RUNX2: variants seen among roughly 807,000 people sequenced by gnomAD.
RUNX2 encodes the protein RUNX family transcription factor 2, also known as runt-related transcription factor 2.
In RUNX2, 10 loss-of-function variants were observed where a neutral mutation model predicts 51.7. That is an observed-to-expected ratio of 0.19 (90% CI 0.12 to 0.33). The LOEUF is 0.33. Ranked by LOEUF, RUNX2 falls within the 10% of genes least tolerant of loss-of-function variation. RUNX2 has a pLI of 1.00. For synonymous variants in RUNX2, 276 were observed against 273.6 expected (o/e 1.01, Z -0.09); for missense variants, 562 against 691.3 (o/e 0.81, Z 2.10).
At chr6:45,517,333 C>T (rs1801362652) in intron 7 of RUNX2, among the ~76,000 whole-genome samples, 1 of 152,106 alleles carries the variant, frequency 6.6e-6, no homozygotes, top group African/African-American at 2.4e-5. Context: ...AGGCCTGCAC[C>T]ACCTTGCCAG....
chr6:45,383,874 G>A (rs943444584), intron 2 of RUNX2, among the ~76,000 whole-genome samples: 1 of 152,212 alleles, frequency 6.6e-6, no homozygotes, highest in Admixed American at 6.5e-5. Context: ...GAAGGTGGAT[G>A]CAACAAACCT....
chr6:45,481,201 C>T (rs1402642716), intron 5 of RUNX2, among the ~76,000 whole-genome samples: 2 of 152,162 alleles, frequency 1.3e-5, no homozygotes, highest in East Asian at 1.9e-4. Flanking sequence ...GGAAATTGAG[C>T]CAGGATCCAG....
intron 5 of RUNX2, among the ~76,000 whole-genome samples, chr6:45,467,982 C>T (rs943368784): frequency 3.9e-5 from 6 of 152,200 alleles, no homozygotes; most frequent in African/African-American, 1.4e-4. Flanking sequence ...CAGTTTTCCT[C>T]GATCTCAGCT....
chr6:45,426,551 C>T (rs1046315113), intron 3 of RUNX2, among the ~76,000 whole-genome samples: 1 of 152,188 alleles, frequency 6.6e-6, no homozygotes, highest in Non-Finnish European at 1.5e-5. Flanking sequence ...CAAGCTGAAA[C>T]ACTATGCAGA....
At chr6:45,394,296 C>T (rs748517360) in intron 2 of RUNX2, among the ~76,000 whole-genome samples, 7 of 152,092 alleles carry the variant, frequency 4.6e-5, no homozygotes, top group South Asian at 2.1e-4. Context: ...ATGAGGGATC[C>T]GCCCCCATGA....
chr6:45,394,392 A>G (rs953725575), intron 2 of RUNX2, among the ~76,000 whole-genome samples: 3 of 152,166 alleles, frequency 2.0e-5, no homozygotes, highest in South Asian at 2.1e-4. Context: ...CATCCAAGCC[A>G]TATCAAATGT....
At chr6:45,339,875 G>A (rs910599595) in intron 2 of RUNX2, among the ~76,000 whole-genome samples, 7 of 151,932 alleles carry the variant, frequency 4.6e-5, no homozygotes, top group African/African-American at 1.4e-4. Flanking sequence ...TTTCATTGTC[G>A]AGCGTTTACT....
chr6:45,418,979 A>G (rs1445607998), intron 2 of RUNX2, among the ~76,000 whole-genome samples: 1 of 152,218 alleles, frequency 6.6e-6, no homozygotes, highest in Non-Finnish European at 1.5e-5. Context: ...AAATAATCTC[A>G]CTATTGATTA....
Position 45,547,008 on chromosome 6 carries a change from A to G in RUNX2, c.1269A>G (p.Pro423=), listed in dbSNP as rs971629494. 3 of 1,613,688 alleles carry G rather than the reference A, an allele frequency of 1.9e-6. No individual in the cohort carries two copies. The African/African-American group carries it at 4.0e-5, about 22-fold the overall frequency. ...SATTHYHTYL[P]PPYPGSSQSQ... ...CCACTCACTACCACACCTACCTGCCACCACCCTACCCCGGCTCTTCCCAAA... is the reference window on the plus strand; with the variant it reads ...CCACTCACTACCACACCTACCTGCCGCCACCCTACCCCGGCTCTTCCCAAA... Residue 423 remains proline, a synonymous_variant, in exon 9 of 9, where the codon CCA becomes CCG. Transcript: ENST00000647337.
Position 45,449,783 on chromosome 6 carries a change from G to A in RUNX2, c.685+11732G>A, listed in dbSNP as rs543677605. 2.4e-4 allele frequency among the ~76,000 whole-genome samples: 37 copies of A among 152,198 alleles called. No individual in the cohort carries two copies. The South Asian group carries it at 7.5e-3, about 31-fold the overall frequency. ...CTGAAAACACTGAATTTTGTGAGAT[G>A]AAAATAATACATTGTATAACTTAAC... On this transcript the variant is annotated intron_variant, in intron 5 of 8. Coordinates refer to ENST00000647337, the MANE Select transcript of RUNX2 (RefSeq NM_001024630.4).
intron 7 of RUNX2, among the ~76,000 whole-genome samples, chr6:45,526,490 C>A (rs1801678062): frequency 6.6e-6 from 1 of 152,080 alleles, no homozygotes; most frequent in Non-Finnish European, 1.5e-5. Context: ...CAGGACCAGG[C>A]TTTCTATATT....
chr6:45,532,473 C>T (rs1010349041), intron 7 of RUNX2, among the ~76,000 whole-genome samples: 3 of 151,908 alleles, frequency 2.0e-5, no homozygotes, highest in Non-Finnish European at 4.4e-5. Flanking sequence ...GCACTGTGGC[C>T]AGAACCCACA....
intron 2 of RUNX2, among the ~76,000 whole-genome samples, chr6:45,411,484 G>A (rs1797950334): frequency 6.6e-6 from 1 of 152,086 alleles, no homozygotes; most frequent in African/African-American, 2.4e-5. Context: ...GGTTGAGTTT[G>A]TAAATGCTAG....
At chr6:45,484,825 T>C (rs935189544) in intron 5 of RUNX2, among the ~76,000 whole-genome samples, 12 of 152,248 alleles carry the variant, frequency 7.9e-5, no homozygotes, top group Admixed American at 7.2e-4. Context: ...ACTTTTAGGA[T>C]AGATTAGAAG....
intron 2 of RUNX2, among the ~76,000 whole-genome samples, chr6:45,329,558 T>C (rs555442948): frequency 1.3e-5 from 2 of 152,054 alleles, no homozygotes; most frequent in East Asian, 3.9e-4. Flanking sequence ...ATAAACACAC[T>C]GAAACACTGA....
At chr6:45,449,369 A>C (rs1799092341) in intron 5 of RUNX2, among the ~76,000 whole-genome samples, 1 of 152,202 alleles carries the variant, frequency 6.6e-6, no homozygotes, top group Non-Finnish European at 1.5e-5. Context: ...GGAGTTCCAA[A>C]TGCTTAGACA....
intron 2 of RUNX2, among the ~76,000 whole-genome samples, chr6:45,356,067 C>T (rs75689847): frequency 6.6e-5 from 10 of 152,192 alleles, no homozygotes; most frequent in African/African-American, 9.6e-5. Context: ...AAGAAGAAAG[C>T]AGTCAAAGAT....
intron 1 of RUNX2, 73 bp from the exon 2 acceptor site, chr6:45,328,584 AAAAT>A: frequency 6.3e-7 from 1 of 1,583,184 alleles, no homozygotes; most frequent in Non-Finnish European, 8.6e-7. Flanking sequence ...TTGACAGAAA[AAAAT>A]AAATATAAAG....
chr6:45,363,928 A>C (rs1407984291), intron 2 of RUNX2, among the ~76,000 whole-genome samples: 1 of 151,952 alleles, frequency 6.6e-6, no homozygotes, highest in Non-Finnish European at 1.5e-5. Context: ...AATTCTGGCC[A>C]ACATGGCGAA....
Sources: gnomAD v4.1 joint callset for allele counts (sites outside exome capture counted in the v4.1 genomes callset) on GRCh38, gnomAD v4.1.1 for gene constraint, MANE v1.5 for transcripts, NCBI Gene and HGNC (gene_info 2026-07-23, HGNC 2026-07-21) for gene names.